Variants in PIAS2 observed in about 807,000 individuals in gnomAD.
PIAS2 encodes E3 SUMO-protein ligase PIAS2.
A neutral mutation model predicts 69.7 loss-of-function variants in PIAS2; 19 were observed. The ratio of observed to expected loss-of-function variants is 0.27; its 90% CI spans 0.19 to 0.40. The LOEUF (loss-of-function observed/expected upper bound fraction) is 0.40, where lower values mean the gene tolerates loss of function less well. Ranked by LOEUF, PIAS2 falls within the 10% of genes least tolerant of loss-of-function variation. The probability of loss-of-function intolerance (pLI) is 1.00; values close to 1 mark genes in which losing one functional copy is unlikely to be tolerated. For synonymous variants in PIAS2, 261 were observed against 263.2 expected (o/e 0.99, Z 0.08); for missense variants, 624 against 757.0 (o/e 0.82, Z 2.06).
chr18:46,915,152 C>T (rs997465877), intron 1 of PIAS2: 5 of 151,992 alleles, frequency 3.3e-5, no homozygotes, highest in Non-Finnish European at 2.9e-5. Context: ...GATTAAAAAT[C>T]TTAGCTTTTC....
At chr18:46,868,800 T>C (rs1352435144) in intron 2 of PIAS2, among the ~76,000 whole-genome samples, 1 of 152,214 alleles carries the variant, frequency 6.6e-6, no homozygotes, top group Non-Finnish European at 1.5e-5. Context: ...CGCGATTGCC[T>C]TTCTCATCCA....
intron 1 of PIAS2, among the ~76,000 whole-genome samples, chr18:46,892,906 T>TA (rs5824642): frequency 0.99 from 150,548 of 152,274 alleles, 74,429 homozygotes; most frequent in East Asian, 1. Flanking sequence ...GTCAGTGGGA[T>TA]TTTTTTTATA....
chr18:46,916,841 T>C (rs1356583716), intron 1 of PIAS2: 2 of 985,274 alleles, frequency 2.0e-6, no homozygotes, highest in Non-Finnish European at 2.4e-6. Context: ...GACTAAACGG[T>C]AGCATCAGCC....
rs58099640 is a variant in PIAS2, at chr18:46,870,615, CAAAAAAAAAAA to C, written c.500-6378_500-6368del. 6.4e-4 allele frequency among the ~76,000 whole-genome samples: 35 copies of C among 54,934 alleles called. No homozygotes were observed. The South Asian group carries it at 0.012, about 18-fold the overall frequency. The allele number at this position is 54,934 out of a possible 152,430, so 36.0% of individuals were successfully genotyped here. On this transcript the variant is annotated intron_variant, in intron 2 of 13. Coordinates refer to ENST00000585916, the MANE Select transcript of PIAS2 (RefSeq NM_004671.5). ...TGGGCAACAGAGCAAGACTCCGTCT[CAAAAAAAAAAA>C]AAAAAAAAAAAAAAAAAAGGAACTC...
intron 2 of PIAS2, among the ~76,000 whole-genome samples, chr18:46,886,853 A>C (rs1054812585): frequency 2.0e-5 from 3 of 152,140 alleles, no homozygotes; most frequent in Non-Finnish European, 4.4e-5. Flanking sequence ...TCCAAAAAAA[A>C]ACAAATAAAA....
At chr18:46,908,283 G>A (rs560004562) in intron 1 of PIAS2, among the ~76,000 whole-genome samples, 45 of 152,206 alleles carry the variant, frequency 3.0e-4, no homozygotes, top group Admixed American at 7.8e-4. Context: ...CAAGAAGTTT[G>A]TTTATGCTAG....
chr18:46,884,708 G>T (rs1256906604), intron 2 of PIAS2, among the ~76,000 whole-genome samples: 1 of 152,114 alleles, frequency 6.6e-6, no homozygotes, highest in East Asian at 2.0e-4. Flanking sequence ...TTGAGGTCAG[G>T]AGTTTGAGAC....
Position 46,891,034 on chromosome 18 carries a change from C to T in PIAS2, c.45G>A (p.Arg15=). 6.3e-7 allele frequency: 1 copy of T among 1,590,470 alleles called. No homozygotes were observed. Among genetic ancestry groups the T allele is most frequent in the South Asian group, 1.1e-5 (1 of 87,764 alleles). ...CTAGTAATACTTGTAGTTCAGAAAC[C>T]CTAAAACTAGAAACCATATTCTAAA... The part of the protein sequence containing the change: ...EELRNMVSSF[R]VSELQVLLGF... The change falls in exon 2 of 14, where the codon AGG becomes AGA. Residue 15 remains arginine (R), a synonymous_variant. Coordinates refer to ENST00000585916, the MANE Select transcript of PIAS2 (RefSeq NM_004671.5).
rs1368804109 is a variant in PIAS2, at chr18:46,803,392, A to G, written c.*9041T>C. The stretch of plus-strand genomic sequence containing the variant: ...AACCACTTGCTTCTTGAAATACTCT[A>G]TTTTTTGGCCTCTGTAATACCACGT... On this transcript the variant is annotated 3_prime_UTR_variant, in exon 14 of 14. Transcript: ENST00000585916. 6.6e-6 allele frequency: 1 copy of G among 152,126 alleles called. No homozygotes were observed. 9.4% of individuals were successfully genotyped at this position (152,126 alleles called of 1,614,324 possible). A position where few individuals can be genotyped will look rare whatever the true frequency, so the allele number is the denominator to read the frequency against.
intron 1 of PIAS2, chr18:46,907,968 A>G (rs1231702227): frequency 1.3e-5 from 2 of 152,214 alleles, no homozygotes; most frequent in Non-Finnish European, 2.9e-5. Flanking sequence ...CGCTTTTGGA[A>G]GAATGAGGTG....
At chr18:46,826,091 G>A (rs1250763021) in intron 11 of PIAS2, among the ~76,000 whole-genome samples, 6 of 152,320 alleles carry the variant, frequency 3.9e-5, no homozygotes, top group Admixed American at 3.9e-4. Flanking sequence ...GAACTAGGTA[G>A]CTGCGCTTTA....
At chr18:46,898,807 G>A (rs777335739) in intron 1 of PIAS2, among the ~76,000 whole-genome samples, 3 of 151,870 alleles carry the variant, frequency 2.0e-5, no homozygotes, top group Non-Finnish European at 2.9e-5. Context: ...CAGCATGGAC[G>A]ACACGGTGAA....
chr18:46,881,850 G>A (rs954206967), intron 2 of PIAS2, among the ~76,000 whole-genome samples: 1 of 152,226 alleles, frequency 6.6e-6, no homozygotes, highest in African/African-American at 2.4e-5. Flanking sequence ...TGTAATCCCA[G>A]CACTTTGGGA....
intron 1 of PIAS2, among the ~76,000 whole-genome samples, chr18:46,912,720 T>C (rs2057399370): frequency 6.6e-6 from 1 of 152,138 alleles, no homozygotes; most frequent in African/African-American, 2.4e-5. Context: ...AAAGGCATGG[T>C]ATATTTTTAG....
At chr18:46,874,674 T>C (rs565124217) in intron 2 of PIAS2, among the ~76,000 whole-genome samples, 1 of 152,318 alleles carries the variant, frequency 6.6e-6, no homozygotes, top group South Asian at 2.1e-4. Context: ...GGTTGCCTTA[T>C]TTACACTCCA....
Position 46,917,390 on chromosome 18 carries a change from T to G in PIAS2, c.-45A>C. ...CCGCCGCCGCTGCCGCCGCACCCAC[T>G]CCCGCTGCCGCCAACGACGCTGCCG... On this transcript the variant is annotated 5_prime_UTR_variant, in exon 1 of 14. Transcript: ENST00000585916. 1 of 1,431,816 alleles carries G rather than the reference T, an allele frequency of 7.0e-7. No homozygotes were observed. 88.7% of individuals were successfully genotyped at this position (1,431,816 alleles called of 1,614,324 possible).
At position 46,807,371 on chromosome 18, in the gene PIAS2, ATATATATATATATTTTTTTTTTT is replaced by A. The variant is rs1392380088; in HGVS notation, c.*5039_*5061del. The A allele has an allele frequency of 3.5e-4, 9 of 25,502 alleles. 1 individual carries two copies. The highest frequency in any genetic ancestry group is 6.2e-4 in the Non-Finnish European group (8 of 12,858). 1.6% of individuals were successfully genotyped at this position (25,502 alleles called of 1,614,324 possible). On this transcript the variant is annotated 3_prime_UTR_variant, in exon 14 of 14. Coordinates refer to ENST00000585916, the MANE Select transcript of PIAS2 (RefSeq NM_004671.5). ...TGTCAGATTTTATATATATATATAT[ATATATATATATATTTTTTTTTTT>A]TTTTTTTTTTTTTTTTAGAGAGTCT...
chr18:46,870,615 CAAAAAAAAAAAAAAAAAA>C (rs58099640), intron 2 of PIAS2, among the ~76,000 whole-genome samples: 1 of 54,904 alleles, frequency 1.8e-5, no homozygotes, highest in Non-Finnish European at 3.0e-5. Context: ...GACTCCGTCT[CAAAAAAAAAAAAAAAAAA>C]AAAAAAAAAA....
intron 1 of PIAS2, among the ~76,000 whole-genome samples, chr18:46,911,950 C>G (rs963004158): frequency 2.0e-5 from 3 of 152,244 alleles, no homozygotes; most frequent in Non-Finnish European, 2.9e-5. Flanking sequence ...AATCGCGAGG[C>G]TGAGGCAGGA....
Sources: allele counts gnomAD v4.1 joint callset (sites outside exome capture counted in the v4.1 genomes callset), GRCh38; gene constraint gnomAD v4.1.1; transcripts MANE v1.5; gene names NCBI Gene and HGNC (gene_info 2026-07-23, HGNC 2026-07-21).